The following NBEA variants were observed in gnomAD, a reference collection of about 807,000 sequenced individuals.
NBEA encodes neurobeachin.
A neutral mutation model predicts 343.4 loss-of-function variants in NBEA; 44 were observed. The observed-to-expected ratio is 0.13, with a 90% CI of 0.10 to 0.16. The LOEUF is 0.16. Among genes scored for constraint, NBEA ranks in the 10% least tolerant of loss-of-function variants. The pLI is 1.00. For synonymous variants in NBEA, 1,175 were observed against 1,238.7 expected, an observed-to-expected ratio of 0.95 and a Z score of 1.08; for missense variants, 2,555 against 3,631.3, an observed-to-expected ratio of 0.70 and a Z score of 7.62.
At chr13:35,536,360 AAGG>A (rs2078541247) in intron 41 of NBEA, among the ~76,000 whole-genome samples, 1 of 152,164 alleles carries the variant, frequency 6.6e-6, no homozygotes, top group South Asian at 2.1e-4. Context: ...CCAGGTAGAC[AAGG>A]AGGAGAAGTT....
chr13:35,269,300 A>C (rs1405324932), intron 34 of NBEA, among the ~76,000 whole-genome samples: 1 of 152,176 alleles, frequency 6.6e-6, no homozygotes, highest in Non-Finnish European at 1.5e-5. Context: ...AATCTCAGAA[A>C]AATAGGACCT....
chr13:35,386,775 A>G (rs1480570639), intron 38 of NBEA, among the ~76,000 whole-genome samples: 2 of 152,220 alleles, frequency 1.3e-5, no homozygotes, highest in Non-Finnish European at 1.5e-5. Flanking sequence ...AAATATATTG[A>G]GTTTTTTATG....
chr13:35,074,906 A>G (rs375042294), intron 10 of NBEA, among the ~76,000 whole-genome samples: 1 of 151,964 alleles, frequency 6.6e-6, no homozygotes, highest in African/African-American at 2.4e-5. Context: ...CATTAGATGT[A>G]CTCGTTCAAC....
intron 1 of NBEA, among the ~76,000 whole-genome samples, chr13:34,970,793 A>G (rs1411371024): frequency 5.9e-5 from 9 of 151,926 alleles, no homozygotes; most frequent in Non-Finnish European, 1.3e-4. Flanking sequence ...TATTATAGTT[A>G]AGTTGGGTAG....
At chr13:35,426,871 C>T (rs1335272265) in intron 38 of NBEA, among the ~76,000 whole-genome samples, 1 of 152,144 alleles carries the variant, frequency 6.6e-6, no homozygotes, top group East Asian at 1.9e-4. Flanking sequence ...CTCTAAACTT[C>T]TCGCTTCATT....
At chr13:35,248,037 A>G (rs558451792) in intron 34 of NBEA, among the ~76,000 whole-genome samples, 10 of 152,318 alleles carry the variant, frequency 6.6e-5, no homozygotes, top group Middle Eastern at 3.4e-3. Context: ...TCCTGGAACC[A>G]CACAACCTAC....
At chr13:35,100,641 C>T (rs1489941123) in intron 11 of NBEA, among the ~76,000 whole-genome samples, 2 of 151,782 alleles carry the variant, frequency 1.3e-5, no homozygotes, top group Non-Finnish European at 2.9e-5. Context: ...TAAAACTTAG[C>T]TTATAATTAG....
intron 3 of NBEA, 116 bp downstream of exon 3, chr13:35,045,163 T>C (rs988495610): frequency 8.2e-7 from 1 of 1,219,874 alleles, no homozygotes; most frequent in Non-Finnish European, 1.1e-6. Flanking sequence ...GCTTTCTTCT[T>C]AAATGATTTA....
chr13:35,405,093 C>T (rs1209686507), intron 38 of NBEA, among the ~76,000 whole-genome samples: 2 of 152,066 alleles, frequency 1.3e-5, no homozygotes, highest in African/African-American at 2.4e-5. Context: ...GTAAGTATTG[C>T]ATTAAAAATT....
rs985662135 is a variant in NBEA at position 35,278,103 on chromosome 13, A to G, written c.5777-12286A>G. 4.1e-5 allele frequency among the ~76,000 whole-genome samples: 6 copies of G among 147,790 alleles called. No individual in the cohort carries two copies. In the Admixed American group the frequency reaches 4.1e-4, roughly 10 times the overall value. On this transcript the variant is annotated intron_variant, in intron 34 of 58. Transcript: ENST00000379939. ...ACTCCATCTCAAAAAATATATATAT[A>G]TATAAAATATATATATATACATAAA...
At chr13:35,435,545 G>A (rs1170217014) in intron 39 of NBEA, among the ~76,000 whole-genome samples, 1 of 151,996 alleles carries the variant, frequency 6.6e-6, no homozygotes, top group Non-Finnish European at 1.5e-5. Context: ...ATGTGCAGGA[G>A]TGGGGTGGGG....
intron 39 of NBEA, 101 bp from the exon 40 acceptor site, chr13:35,451,991 A>G: frequency 1.2e-6 from 1 of 837,604 alleles, no homozygotes; most frequent in Non-Finnish European, 1.9e-6. Flanking sequence ...TAATATGTAA[A>G]TGCAGCATAT....
intron 11 of NBEA, among the ~76,000 whole-genome samples, chr13:35,108,465 G>A (rs1189765922): frequency 6.6e-6 from 1 of 151,832 alleles, no homozygotes; most frequent in Non-Finnish European, 1.5e-5. Flanking sequence ...AAAAATACAG[G>A]TGGTATTAAT....
At chr13:35,428,144 C>T (rs1441977073) in intron 38 of NBEA, among the ~76,000 whole-genome samples, 1 of 152,206 alleles carries the variant, frequency 6.6e-6, no homozygotes, top group Admixed American at 6.5e-5. Context: ...CACTGTCCTG[C>T]ACCCACTGTC....
At chr13:35,376,327 G>T (rs1447853528) in intron 38 of NBEA, among the ~76,000 whole-genome samples, 2 of 152,036 alleles carry the variant, frequency 1.3e-5, no homozygotes, top group Non-Finnish European at 2.9e-5. Context: ...TAAGATTGTT[G>T]TCTCTTTCAT....
At chr13:35,255,393 T>C (rs1317128608) in intron 34 of NBEA, among the ~76,000 whole-genome samples, 2 of 152,250 alleles carry the variant, frequency 1.3e-5, no homozygotes, top group African/African-American at 4.8e-5. Flanking sequence ...CCTGACATGC[T>C]GCACTCAGCT....
intron 24 of NBEA, among the ~76,000 whole-genome samples, chr13:35,168,239 G>A (rs1350045901): frequency 6.6e-6 from 1 of 151,462 alleles, no homozygotes; most frequent in Non-Finnish European, 1.5e-5. Flanking sequence ...ATACTCACAT[G>A]TACTTGTCAA....
intron 33 of NBEA, among the ~76,000 whole-genome samples, chr13:35,225,863 A>G (rs1593829430): frequency 6.6e-6 from 1 of 152,052 alleles, no homozygotes; most frequent in Non-Finnish European, 1.5e-5. Context: ...CAAAGTTATA[A>G]TTCTTTAGAT....
At chr13:35,662,023 C>G (rs2085115302) in intron 55 of NBEA, among the ~76,000 whole-genome samples, 1 of 152,166 alleles carries the variant, frequency 6.6e-6, no homozygotes, top group South Asian at 2.1e-4. Context: ...AAAATAAGAA[C>G]CATGAGTTCT....
Sources: gnomAD v4.1 joint callset for allele counts (sites outside exome capture counted in the v4.1 genomes callset) on GRCh38, gnomAD v4.1.1 for gene constraint, MANE v1.5 for transcripts, NCBI Gene and HGNC (gene_info 2026-07-23, HGNC 2026-07-21) for gene names.